The following TPST2 variants were observed in gnomAD, a reference collection of about 807,000 sequenced individuals.
TPST2 encodes the protein protein-tyrosine sulfotransferase 2.
Under a neutral mutation model 27.8 loss-of-function variants are expected in TPST2, and 16 were observed. The observed-to-expected ratio is 0.58, with a 90% confidence interval of 0.39 to 0.88. TPST2 has a LOEUF of 0.88. TPST2 is among the 40% of genes least tolerant of loss of function. The pLI is 0.00. For synonymous variants in TPST2, 229 were observed against 231.7 expected (o/e 0.99, Z 0.10); for missense variants, 464 against 543.1 (o/e 0.85, Z 1.45).
chr22:26,544,385 T>TA (rs1926013104), intron 2 of TPST2, among the ~76,000 whole-genome samples: 1 of 152,144 alleles, frequency 6.6e-6, no homozygotes, highest in African/African-American at 2.4e-5. Flanking sequence ...GTCTTCCTAA[T>TA]AGACAAGGAA....
intron 1 of TPST2, among the ~76,000 whole-genome samples, 179 bp from the exon 2 acceptor site, chr22:26,544,854 C>G (rs1926036157): frequency 6.6e-6 from 1 of 152,212 alleles, no homozygotes; most frequent in Non-Finnish European, 1.5e-5. Flanking sequence ...GGAGTCTCAA[C>G]TTATCTACTC....
At chr22:26,580,428 A>C (rs930785650) in intron 1 of TPST2, among the ~76,000 whole-genome samples, 1 of 152,078 alleles carries the variant, frequency 6.6e-6, no homozygotes, top group Admixed American at 6.5e-5. Flanking sequence ...GAAGAAGGGG[A>C]ATGTTGAGAG....
At chr22:26,550,570 C>G (rs1473704910) in intron 1 of TPST2, 3 of 985,290 alleles carry the variant, frequency 3.0e-6, no homozygotes, top group Non-Finnish European at 2.4e-6. Context: ...ACAAAGCCAG[C>G]TCAGGAGGTC....
Position 26,557,221 on chromosome 22 carries a change from G to A in TPST2, c.-160-12546C>T, listed in dbSNP as rs527824305. 2.6e-5 allele frequency among the ~76,000 whole-genome samples: 4 copies of A among 152,356 alleles called. No individual in the cohort carries two copies. The South Asian group carries it at 8.3e-4, about 32-fold the overall frequency. On this transcript the variant is annotated intron_variant, in intron 1 of 6. Transcript: ENST00000338754. Reference sequence around the variant, plus strand: ...AGAGGCACTGTACACATGGCCCTGAGGGAAAGCAAACATCCGCAGTGGATG... The same window carrying A: ...AGAGGCACTGTACACATGGCCCTGAAGGAAAGCAAACATCCGCAGTGGATG...
rs190257432 is a variant in TPST2, at chr22:26,579,904, G to A, written c.-161+10149C>T. Among the ~76,000 whole-genome samples, 462 of 144,996 alleles carry A rather than the reference G, an allele frequency of 3.2e-3. 1 individual carries two copies. The highest frequency in any genetic ancestry group is 4.5e-3 in the Non-Finnish European group (295 of 66,044). On this transcript the variant is annotated intron_variant, in intron 1 of 6. Coordinates refer to ENST00000338754, the MANE Select transcript of TPST2 (RefSeq NM_003595.5). ...GTGACAGAGACAGGGAAAGACGTGAGTTGGGGGGATGGGTGGGAGGGAGAG... is the reference window on the plus strand; with the variant it reads ...GTGACAGAGACAGGGAAAGACGTGAATTGGGGGGATGGGTGGGAGGGAGAG...
intron 1 of TPST2, among the ~76,000 whole-genome samples, chr22:26,545,943 G>A (rs187315031): frequency 1.8e-4 from 28 of 152,132 alleles, no homozygotes; most frequent in Admixed American, 1.0e-3. Flanking sequence ...TCCAGGTGAT[G>A]GTACCTGCCT....
intron 1 of TPST2, among the ~76,000 whole-genome samples, chr22:26,577,571 G>A (rs1015637045): frequency 3.3e-5 from 5 of 150,062 alleles, no homozygotes; most frequent in East Asian, 2.0e-4. Context: ...GGATGGTCTC[G>A]AACTCCTGAC....
At position 26,544,654 on chromosome 22, in the gene TPST2, A is replaced by G. The variant is rs899473641; in HGVS notation, c.-139T>C. ...GCTCCAGCCCTTGTGCCTGTGTGCC[A>G]AGGCTGTCTGCTGGCAGAGCCCTGG... is the stretch of plus-strand genomic sequence containing the variant. On this transcript the variant is annotated 5_prime_UTR_variant, in exon 2 of 7. Coordinates refer to ENST00000338754, the MANE Select transcript of TPST2 (RefSeq NM_003595.5). The G allele has an allele frequency of 1.2e-5, 12 of 985,994 alleles. No homozygotes were observed. Among genetic ancestry groups the G allele is most frequent in the Non-Finnish European group, 1.3e-5 (11 of 830,048 alleles). 61.1% of individuals were successfully genotyped at this position (985,994 alleles called of 1,614,324 possible). A position where few individuals can be genotyped will look rare whatever the true frequency, so the allele number is the denominator to read the frequency against.
intron 1 of TPST2, among the ~76,000 whole-genome samples, chr22:26,585,936 G>A (rs546696373): frequency 2.0e-5 from 3 of 152,186 alleles, no homozygotes; most frequent in South Asian, 2.1e-4. Context: ...CCAGCTACTC[G>A]GGAGGCTGAG....
chr22:26,587,863 T>A (rs921500235), intron 1 of TPST2, among the ~76,000 whole-genome samples: 1 of 151,954 alleles, frequency 6.6e-6, no homozygotes, highest in African/African-American at 2.4e-5. Context: ...GAGCCTGAGG[T>A]AGGAGGATCG....
chr22:26,531,546 G>A (rs575680711), intron 5 of TPST2, among the ~76,000 whole-genome samples: 3 of 152,182 alleles, frequency 2.0e-5, no homozygotes, highest in South Asian at 2.1e-4. Flanking sequence ...TCCCTCTGCC[G>A]GGAAGCCTTT....
intron 1 of TPST2, among the ~76,000 whole-genome samples, chr22:26,573,294 G>A (rs923423203): frequency 1.3e-5 from 2 of 152,198 alleles, no homozygotes; most frequent in Non-Finnish European, 1.5e-5. Flanking sequence ...GCCTCCCAAA[G>A]TGCTAAGATG....
At chr22:26,550,051 C>A (rs74552379) in intron 1 of TPST2, among the ~76,000 whole-genome samples, 2 of 144,846 alleles carry the variant, frequency 1.4e-5, no homozygotes, top group African/African-American at 2.5e-5. Flanking sequence ...AAAAAAAAAA[C>A]AAAAAAAACA....
At chr22:26,561,469 T>C (rs1023322436) in intron 1 of TPST2, among the ~76,000 whole-genome samples, 12 of 152,306 alleles carry the variant, frequency 7.9e-5, no homozygotes, top group African/African-American at 2.9e-4. Flanking sequence ...GGGATGATAG[T>C]TTTTTCATCT....
chr22:26,588,199 T>TTA (rs1928415822), intron 1 of TPST2, among the ~76,000 whole-genome samples: 1 of 145,242 alleles, frequency 6.9e-6, no homozygotes, highest in African/African-American at 2.5e-5. Flanking sequence ...ACGAAGTACT[T>TTA]AAAAAAAAAA....
chr22:26,528,977 G>T (rs1034406180), intron 5 of TPST2, among the ~76,000 whole-genome samples: 7 of 147,954 alleles, frequency 4.7e-5, no homozygotes, highest in African/African-American at 1.7e-4. Flanking sequence ...GGGAGACTAG[G>T]TATCAAAAAA....
At position 26,522,911 on chromosome 22, in the gene TPST2, A is replaced by T. The variant is rs1165472307; in HGVS notation, c.*3364T>A. 6.6e-6 allele frequency: 1 copy of T among 152,292 alleles called. No individual in the cohort carries two copies. The highest frequency in any genetic ancestry group is 1.9e-4 in the East Asian group (1 of 5,208). The allele number at this position is 152,292 out of a possible 1,614,324, so 9.4% of individuals were successfully genotyped here. A position where few individuals can be genotyped will look rare whatever the true frequency, so the allele number is the denominator to read the frequency against. ...GGGCAACATAGTGATTCCCCTCTTT[A>T]CAAAAAATAAAAAGTTAGGTAGGTG... On this transcript the variant is annotated 3_prime_UTR_variant, in exon 7 of 7. Coordinates refer to ENST00000338754, the MANE Select transcript of TPST2 (RefSeq NM_003595.5).
chr22:26,551,805 T>C (rs1393266883), intron 1 of TPST2, among the ~76,000 whole-genome samples: 1 of 151,982 alleles, frequency 6.6e-6, no homozygotes, highest in East Asian at 1.9e-4. Context: ...ATGGGAACTA[T>C]GTAACTTCCA....
intron 1 of TPST2, among the ~76,000 whole-genome samples, chr22:26,583,462 T>C (rs1418677419): frequency 2.3e-5 from 3 of 127,664 alleles, no homozygotes; most frequent in Non-Finnish European, 3.4e-5. Context: ...AAAAATGCCT[T>C]GAGGGCTTAA....
Sources: allele counts gnomAD v4.1 joint callset (sites outside exome capture counted in the v4.1 genomes callset), GRCh38; gene constraint gnomAD v4.1.1; transcripts MANE v1.5; gene names NCBI Gene and HGNC (gene_info 2026-07-23, HGNC 2026-07-21).